Variants in CADPS2 observed in about 807,000 individuals in gnomAD.
CADPS2 encodes the protein calcium dependent secretion activator 2.
A neutral mutation model predicts 172.5 loss-of-function variants in CADPS2; 93 were observed. That is an observed-to-expected ratio of 0.54 (90% CI 0.46 to 0.64). The LOEUF (loss-of-function observed/expected upper bound fraction) is 0.64, where lower values mean the gene tolerates loss of function less well. Ranked by LOEUF, CADPS2 falls within the 30% of genes least tolerant of loss-of-function variation. CADPS2 has a pLI of 0.00. For synonymous variants in CADPS2, 546 were observed against 555.2 expected (o/e 0.98, Z 0.23); for missense variants, 1,420 against 1,565.9 (o/e 0.91, Z 1.57).
intron 3 of CADPS2, among the ~76,000 whole-genome samples, chr7:122,635,928 C>T (rs1371238623): frequency 3.4e-4 from 1 of 2,970 alleles, no homozygotes; most frequent in Non-Finnish European, 2.8e-3. Flanking sequence ...GCAGCTCCCA[C>T]ATTTTTTTTT....
chr7:122,550,960 T>C (rs904825597), intron 8 of CADPS2, among the ~76,000 whole-genome samples: 3 of 152,076 alleles, frequency 2.0e-5, no homozygotes, highest in Non-Finnish European at 2.9e-5. Context: ...TAATGCCCAG[T>C]TTGGTTTTAA....
chr7:122,416,914 C>A (rs1357327533), intron 17 of CADPS2, among the ~76,000 whole-genome samples: 1 of 152,140 alleles, frequency 6.6e-6, no homozygotes, highest in Non-Finnish European at 1.5e-5. Flanking sequence ...TTAAAGAAGC[C>A]CTGTGTAATG....
At chr7:122,822,504 C>T (rs1397468645) in intron 1 of CADPS2, among the ~76,000 whole-genome samples, 8 of 151,440 alleles carry the variant, frequency 5.3e-5, no homozygotes, top group Non-Finnish European at 7.4e-5. Context: ...CCCAACACTT[C>T]AACACTATTT....
At chr7:122,435,807 A>C (rs2050565033) in intron 17 of CADPS2, among the ~76,000 whole-genome samples, 4 of 152,142 alleles carry the variant, frequency 2.6e-5, no homozygotes. Flanking sequence ...ATATACATAC[A>C]ATAGAATATT....
At chr7:122,595,341 A>G (rs1026539653) in intron 6 of CADPS2, among the ~76,000 whole-genome samples, 3 of 152,084 alleles carry the variant, frequency 2.0e-5, no homozygotes, top group Non-Finnish European at 2.9e-5. Flanking sequence ...TCTTTACAAG[A>G]TATCTTCCCC....
intron 1 of CADPS2, among the ~76,000 whole-genome samples, chr7:122,884,298 T>G (rs1181842484): frequency 6.6e-6 from 1 of 152,166 alleles, no homozygotes; most frequent in African/African-American, 2.4e-5. Context: ...GTCGCTTGAC[T>G]AGAATTGAGA....
At chr7:122,383,781 C>T (rs1039863857) in intron 24 of CADPS2, among the ~76,000 whole-genome samples, 1 of 152,102 alleles carries the variant, frequency 6.6e-6, no homozygotes, top group African/African-American at 2.4e-5. Flanking sequence ...TGAATTCCAG[C>T]TTTCTTAAAA....
chr7:122,517,211 T>C (rs775027962), intron 8 of CADPS2, among the ~76,000 whole-genome samples: 2 of 152,200 alleles, frequency 1.3e-5, no homozygotes. Context: ...TCCATATTGC[T>C]GTACGTAGTT....
chr7:122,713,293 C>A (rs570790730), intron 2 of CADPS2, among the ~76,000 whole-genome samples: 1 of 69,896 alleles, frequency 1.4e-5, no homozygotes, highest in Non-Finnish European at 2.8e-5. Context: ...AGCCAGACTG[C>A]CTGAGTTTAA....
intron 11 of CADPS2, among the ~76,000 whole-genome samples, chr7:122,483,991 C>T (rs2057553364): frequency 6.6e-6 from 1 of 152,094 alleles, no homozygotes; most frequent in South Asian, 2.1e-4. Context: ...ATGGTATTCA[C>T]AGATTGGAAG....
rs1328317425 is a variant in CADPS2 at position 122,645,345 on chromosome 7, ATGTG to A, written c.787-16021_787-16018del. Among the ~76,000 whole-genome samples the A allele has an allele frequency of 5.3e-5, 4 of 74,800 alleles. 1 individual carries two copies. The highest frequency in any genetic ancestry group is 4.9e-5 in the African/African-American group (1 of 20,420). 49.1% of individuals were successfully genotyped at this position (74,800 alleles called of 152,430 possible). On this transcript the variant is annotated intron_variant, in intron 3 of 29. Coordinates refer to ENST00000449022, the MANE Select transcript of CADPS2 (RefSeq NM_017954.11). The stretch of plus-strand genomic sequence containing the variant: ...CATGTACATATATACACACATGTAC[ATGTG>A]TGTGTATACATGTACATGTATACAC...
Position 122,698,538 on chromosome 7 carries a change from C to T in CADPS2, c.454-34969G>A, listed in dbSNP as rs1165464922. On this transcript the variant is annotated intron_variant, in intron 2 of 29. Coordinates refer to ENST00000449022, the MANE Select transcript of CADPS2 (RefSeq NM_017954.11). ...CAGTACCTGGAACGTTATAGATGAT[C>T]ACTCCACTGGCTCCCTTCTCAGTTG... is the stretch of plus-strand genomic sequence containing the variant. 4 of 1,613,932 alleles carry T rather than the reference C, an allele frequency of 2.5e-6. No individual in the cohort carries two copies. The African/African-American group carries it at 5.3e-5, about 22-fold the overall frequency.
intron 7 of CADPS2, among the ~76,000 whole-genome samples, chr7:122,567,611 T>C (rs2066635197): frequency 6.6e-6 from 1 of 152,170 alleles, no homozygotes; most frequent in Admixed American, 6.5e-5. Flanking sequence ...ATTTAAAGAA[T>C]GTAAAAACAA....
At chr7:122,741,319 G>A (rs1198898802) in intron 1 of CADPS2, among the ~76,000 whole-genome samples, 1 of 152,184 alleles carries the variant, frequency 6.6e-6, no homozygotes, top group African/African-American at 2.4e-5. Flanking sequence ...AACTAGGGAA[G>A]AAGGATGGCT....
At chr7:122,524,309 C>T (rs187928236) in intron 8 of CADPS2, among the ~76,000 whole-genome samples, 51 of 152,180 alleles carry the variant, frequency 3.4e-4, no homozygotes, top group African/African-American at 1.2e-3. Flanking sequence ...TATGTTAGGC[C>T]TTCATTTCCT....
chr7:122,449,920 C>G (rs1043138522), intron 15 of CADPS2, among the ~76,000 whole-genome samples: 2 of 152,104 alleles, frequency 1.3e-5, no homozygotes, highest in Non-Finnish European at 2.9e-5. Flanking sequence ...TTCACTTACT[C>G]TAAGGTACTG....
intron 17 of CADPS2, among the ~76,000 whole-genome samples, chr7:122,420,668 T>C (rs1196517431): frequency 1.3e-5 from 2 of 152,262 alleles, no homozygotes; most frequent in Non-Finnish European, 2.9e-5. Flanking sequence ...GCATTACAGA[T>C]GGCTCTACAT....
intron 1 of CADPS2, among the ~76,000 whole-genome samples, chr7:122,820,398 A>G (rs200819852): frequency 0.2 from 29,995 of 151,618 alleles, 3,099 homozygotes; most frequent in Middle Eastern, 0.3. Flanking sequence ...TGCCAATTGC[A>G]TCCGACTGAT....
intron 1 of CADPS2, among the ~76,000 whole-genome samples, chr7:122,864,355 C>T (rs185746457): frequency 6.6e-5 from 10 of 152,092 alleles, no homozygotes; most frequent in African/African-American, 1.7e-4. Context: ...TGGCATGTGC[C>T]CATGGTTCCA....
Sources: gnomAD v4.1 joint callset for allele counts (sites outside exome capture counted in the v4.1 genomes callset) on GRCh38, gnomAD v4.1.1 for gene constraint, MANE v1.5 for transcripts, NCBI Gene and HGNC (gene_info 2026-07-23, HGNC 2026-07-21) for gene names.